Variants in GRIA3 observed in about 807,000 individuals in gnomAD.
The protein encoded by GRIA3 is glutamate receptor 3.
GRIA3 carries 3 observed loss-of-function variants against 63.0 expected under a neutral mutation model. That is an observed-to-expected ratio of 0.05 (90% CI 0.02 to 0.12). The LOEUF (loss-of-function observed/expected upper bound fraction) is 0.12. GRIA3 is among the 10% of genes least tolerant of loss of function. The probability of loss-of-function intolerance (pLI) is 1.00; values close to 1 mark genes in which losing one functional copy is unlikely to be tolerated. For missense variants in GRIA3, 347 were observed against 700.9 expected, an observed-to-expected ratio of 0.50 and a Z score of 5.70; for synonymous variants, 274 against 257.9, an observed-to-expected ratio of 1.06 and a Z score of -0.60.
chrX:123,356,660 T>C (rs2045135856), intron 5 of GRIA3, among the ~76,000 whole-genome samples: 1 of 111,947 alleles, frequency 8.9e-6, no homozygotes, highest in African/African-American at 3.2e-5. Flanking sequence ...TAAAGAGATA[T>C]AGCAAAATCT....
At chrX:123,321,725 C>T (rs765377511) in intron 3 of GRIA3, among the ~76,000 whole-genome samples, 15 of 112,102 alleles carry the variant, frequency 1.3e-4, no homozygotes, top group Non-Finnish European at 2.4e-4. Context: ...AGATCAACCT[C>T]ATAGTCACAG....
intron 3 of GRIA3, among the ~76,000 whole-genome samples, chrX:123,285,941 C>T (rs1248050953): frequency 8.9e-6 from 1 of 111,733 alleles, no homozygotes; most frequent in Non-Finnish European, 1.9e-5. Context: ...ACAGAACTCT[C>T]CACCCCAAAT....
At chrX:123,230,653 A>G (rs1001337965) in intron 2 of GRIA3, among the ~76,000 whole-genome samples, 4 of 111,613 alleles carry the variant, frequency 3.6e-5, no homozygotes, top group Admixed American at 9.5e-5. Flanking sequence ...TGCCTACTCA[A>G]CCTATGTGTA....
chrX:123,478,744 A>C (rs763098297), intron 13 of GRIA3, among the ~76,000 whole-genome samples: 3 of 112,343 alleles, frequency 2.7e-5, no homozygotes, highest in African/African-American at 9.7e-5. Flanking sequence ...TTTTTACAGC[A>C]TGTTCACAGT....
Position 123,184,518 on chromosome X carries a change from C to T in GRIA3, c.-18C>T. ...TGAGTTGCGCCCATGCTCTTGTCAGCTTCGTTTTAGGCGTAGCATGGCCAG... is the reference window on the plus strand; with the variant it reads ...TGAGTTGCGCCCATGCTCTTGTCAGTTTCGTTTTAGGCGTAGCATGGCCAG... On this transcript the variant is annotated 5_prime_UTR_variant, in exon 1 of 16. Transcript: ENST00000620443. 1.7e-6 allele frequency: 2 copies of T among 1,161,148 alleles called. No individual in the cohort carries two copies. Among genetic ancestry groups the T allele is most frequent in the Non-Finnish European group, 2.4e-6 (2 of 849,627 alleles).
At chrX:123,252,635 T>G (rs1313123875) in intron 2 of GRIA3, among the ~76,000 whole-genome samples, 1 of 111,217 alleles carries the variant, frequency 9.0e-6, no homozygotes, top group Non-Finnish European at 1.9e-5. Flanking sequence ...GTCTATAAGA[T>G]ACATGCAAAA....
chrX:123,438,424 T>G (rs186924307), intron 12 of GRIA3, among the ~76,000 whole-genome samples: 1 of 112,909 alleles, frequency 8.9e-6, no homozygotes, highest in Non-Finnish European at 1.9e-5. Context: ...CTATAAACAT[T>G]GGCATACAAA....
intron 3 of GRIA3, among the ~76,000 whole-genome samples, chrX:123,284,900 A>T: frequency 9.0e-6 from 1 of 111,368 alleles, no homozygotes. Context: ...AATACAGAGA[A>T]CACCACAAAG....
At chrX:123,234,059 A>G (rs1404448485) in intron 2 of GRIA3, among the ~76,000 whole-genome samples, 3 of 111,461 alleles carry the variant, frequency 2.7e-5, no homozygotes, top group African/African-American at 9.8e-5. Context: ...TGGAAAAATA[A>G]TATTAACCTT....
chrX:123,464,914 C>T lies in GRIA3; in HGVS notation c.2126C>T (p.Ala709Val), dbSNP rs375645012. 4 of 1,204,298 alleles carry T rather than the reference C, an allele frequency of 3.3e-6. No individual in the cohort carries two copies. The highest frequency in any genetic ancestry group is 3.5e-5 in the South Asian group (2 of 56,682). ...AAAATGTGGTCTTACATGAAATCAG[C>T]GGAGCCATCTGTGTTTACCAAAACA... ...YEKMWSYMKS[A>V]EPSVFTKTTA... The change falls in exon 13 of 16, where the codon GCG becomes GTG. Residue 709 changes from alanine to valine, a missense_variant. Around this residue, in one of 8 missense-constraint regions of GRIA3, gnomAD observed 49 missense variants for 176.6 expected, o/e 0.28. Transcript: ENST00000620443.
rs538496678 is a variant in GRIA3 at position 123,239,665 on chromosome X, G to C, written c.269-13638G>C. 2.8e-4 allele frequency among the ~76,000 whole-genome samples: 32 copies of C among 112,305 alleles called. No individual in the cohort carries two copies. The South Asian group carries it at 0.011, about 40-fold the overall frequency. On this transcript the variant is annotated intron_variant, in intron 2 of 15. Coordinates refer to ENST00000620443, the MANE Select transcript of GRIA3 (RefSeq NM_007325.5). ...AAACAGTTAGTAACTAATAAATACTGGTTGGATTAGAATCTAAAACATTTA... is the reference window on the plus strand; with the variant it reads ...AAACAGTTAGTAACTAATAAATACTCGTTGGATTAGAATCTAAAACATTTA...
intron 12 of GRIA3, among the ~76,000 whole-genome samples, chrX:123,463,051 A>G (rs147752398): frequency 0.015 from 1,684 of 111,306 alleles, 19 homozygotes; most frequent in Middle Eastern, 0.047. Context: ...ATTTAATGGG[A>G]TTATATGCAA....
chrX:123,450,651 G>A (rs2045725324), intron 12 of GRIA3, among the ~76,000 whole-genome samples: 1 of 113,016 alleles, frequency 8.8e-6, no homozygotes, highest in African/African-American at 3.2e-5. Context: ...GACAGCCATT[G>A]TTGTAAGGGC....
intron 12 of GRIA3, among the ~76,000 whole-genome samples, chrX:123,441,309 A>G (rs1478079291): frequency 9.0e-6 from 1 of 111,673 alleles, no homozygotes; most frequent in Non-Finnish European, 1.9e-5. Flanking sequence ...ATATGTATAT[A>G]AATTTGGGGG....
intron 4 of GRIA3, among the ~76,000 whole-genome samples, chrX:123,329,163 C>A (rs887211507): frequency 8.9e-6 from 1 of 111,751 alleles, no homozygotes; most frequent in African/African-American, 3.2e-5. Flanking sequence ...TGGAAGGAAA[C>A]TTCTACAGTC....
At chrX:123,342,342 A>G (rs377646076) in intron 4 of GRIA3, among the ~76,000 whole-genome samples, 12 of 112,137 alleles carry the variant, frequency 1.1e-4, no homozygotes, top group East Asian at 8.4e-4. Flanking sequence ...CCATTACCCA[A>G]TTGAGGTCAC....
chrX:123,194,361 G>A (rs1030341334), intron 2 of GRIA3, among the ~76,000 whole-genome samples: 1 of 111,668 alleles, frequency 9.0e-6, no homozygotes, highest in South Asian at 3.8e-4. Context: ...TCCCCAGAAA[G>A]GGGTCAAGCC....
intron 3 of GRIA3, among the ~76,000 whole-genome samples, chrX:123,303,968 A>G (rs1383322244): frequency 2.7e-5 from 3 of 111,179 alleles, no homozygotes; most frequent in African/African-American, 9.8e-5. Context: ...GGGTGATATC[A>G]GGGATTTAGT....
intron 12 of GRIA3, among the ~76,000 whole-genome samples, chrX:123,438,933 AG>A: frequency 8.9e-6 from 1 of 112,667 alleles, no homozygotes; most frequent in South Asian, 3.7e-4. Context: ...CAGTAGGAAG[AG>A]GGATGCTGGA....
Sources: gnomAD v4.1 joint callset for allele counts (sites outside exome capture counted in the v4.1 genomes callset) on GRCh38, gnomAD v4.1.1 for gene constraint, gnomAD v4.1.1 regional missense constraint, MANE v1.5 for transcripts, NCBI Gene and HGNC (gene_info 2026-07-23, HGNC 2026-07-21) for gene names.